The following SH3GL3 variants were observed in gnomAD, a reference collection of about 807,000 sequenced individuals.
The protein encoded by SH3GL3 is endophilin-A3.
In SH3GL3, 33 loss-of-function variants were observed where a neutral mutation model predicts 47.7. The ratio of observed to expected loss-of-function variants is 0.69; its 90% CI spans 0.52 to 0.92. The LOEUF is 0.92. Ranked by LOEUF, SH3GL3 falls within the 40% of genes least tolerant of loss-of-function variation. The probability of loss-of-function intolerance (pLI) is 0.00; values close to 1 mark genes in which losing one functional copy is unlikely to be tolerated. For missense variants in SH3GL3, 363 were observed against 417.8 expected, an observed-to-expected ratio of 0.87 and a Z score of 1.14; for synonymous variants, 155 against 148.8, an observed-to-expected ratio of 1.04 and a Z score of -0.30.
In SH3GL3 at chr15:83,576,708, T is replaced by C; in HGVS notation, c.591T>C (p.Ala197=). Residue 197 remains alanine (A), a synonymous_variant, in exon 6 of 9, where the codon GCT becomes GCC. Coordinates refer to ENST00000427482, the MANE Select transcript of SH3GL3 (RefSeq NM_003027.5). ...AATTTGAAGAGTCAAAGGAGTTGGC[T>C]GAAAGAAGCATGTTTAACTTTTTAG... ...VEKFEESKEL[A]ERSMFNFLEN... is the part of the protein sequence containing the mutation. 6.2e-7 allele frequency: 1 copy of C among 1,612,006 alleles called. No individual in the cohort carries two copies. Among genetic ancestry groups the C allele is most frequent in the East Asian group, 2.2e-5 (1 of 44,862 alleles).
chr15:83,483,712 C>G (rs1283138435), intron 1 of SH3GL3, among the ~76,000 whole-genome samples: 4 of 152,198 alleles, frequency 2.6e-5, no homozygotes, highest in Admixed American at 2.6e-4. Context: ...TCGCATTACC[C>G]TCATCAGTAA....
chr15:83,584,228 C>T (rs1037700988), intron 6 of SH3GL3, among the ~76,000 whole-genome samples: 9 of 152,118 alleles, frequency 5.9e-5, no homozygotes, highest in African/African-American at 1.4e-4. Flanking sequence ...AGCATCTTCA[C>T]GTATCTCATT....
chr15:83,450,034 T>A (rs1044407888), intron 1 of SH3GL3, among the ~76,000 whole-genome samples: 1 of 152,218 alleles, frequency 6.6e-6, no homozygotes, highest in Non-Finnish European at 1.5e-5. Context: ...CCAGATGATG[T>A]CAATGGCTAA....
chr15:83,577,071 C>G (rs113645471), intron 6 of SH3GL3, among the ~76,000 whole-genome samples: 1 of 151,722 alleles, frequency 6.6e-6, no homozygotes, highest in East Asian at 1.9e-4. Context: ...CCACCACACT[C>G]GGCTAATTTT....
chr15:83,544,798 T>G (rs2044323760), intron 1 of SH3GL3, among the ~76,000 whole-genome samples: 1 of 152,182 alleles, frequency 6.6e-6, no homozygotes, highest in South Asian at 2.1e-4. Flanking sequence ...GATACAATAT[T>G]CCAGGATAAA....
In SH3GL3 at chr15:83,587,041, A is replaced by T; in HGVS notation, c.683A>T (p.Gln228Leu). The change falls in exon 7 of 9, where the codon CAG becomes CTG. Residue 228 changes from glutamine to leucine, a missense_variant. Gln to Leu is a moderately radical substitution (Grantham distance 113). Transcript: ENST00000427482. ...GAGGCAGCATTAGACTATCACAGAC[A>T]GTCCACAGAGATTCTGCAGGAGCTG... ...FIEAALDYHR[Q>L]STEILQELQS... 6.2e-7 allele frequency: 1 copy of T among 1,611,156 alleles called. No homozygotes were observed. Among genetic ancestry groups the T allele is most frequent in the South Asian group, 1.1e-5 (1 of 90,624 alleles).
chr15:83,588,375 C>T (rs1199217597), intron 7 of SH3GL3, among the ~76,000 whole-genome samples: 1 of 152,206 alleles, frequency 6.6e-6, no homozygotes, highest in South Asian at 2.1e-4. Context: ...AGGTGAGCAC[C>T]TTGGCCTCCC....
chr15:83,485,089 T>C (rs924753141), intron 1 of SH3GL3, among the ~76,000 whole-genome samples: 19 of 152,230 alleles, frequency 1.2e-4, no homozygotes, highest in African/African-American at 3.6e-4. Context: ...TGACTCTTTA[T>C]GTGTCCTTGA....
Position 83,464,953 on chromosome 15 carries a change from C to G in SH3GL3, c.45+17375C>G, listed in dbSNP as rs542156045. On this transcript the variant is annotated intron_variant, in intron 1 of 8. Transcript: ENST00000427482. Reference sequence around the variant, plus strand: ...AAACATGTATACATATGTAACAAACCTGCACATTGTGCACATGTACCCTAG... The same window carrying G: ...AAACATGTATACATATGTAACAAACGTGCACATTGTGCACATGTACCCTAG... 3.3e-5 allele frequency among the ~76,000 whole-genome samples: 5 copies of G among 150,546 alleles called. No individual in the cohort carries two copies. In the South Asian group the frequency reaches 1.0e-3, roughly 32 times the overall value.
chr15:83,456,887 A>AT (rs2040015751), intron 1 of SH3GL3, among the ~76,000 whole-genome samples: 1 of 152,176 alleles, frequency 6.6e-6, no homozygotes, highest in Non-Finnish European at 1.5e-5. Context: ...TCTTGACAAG[A>AT]TTTTTTTGAT....
At chr15:83,458,469 T>C (rs1264509506) in intron 1 of SH3GL3, among the ~76,000 whole-genome samples, 1 of 152,200 alleles carries the variant, frequency 6.6e-6, no homozygotes, top group Non-Finnish European at 1.5e-5. Context: ...CCTCAGACAG[T>C]AATGCTACTA....
chr15:83,459,812 A>G (rs913950298), intron 1 of SH3GL3, among the ~76,000 whole-genome samples: 1 of 152,096 alleles, frequency 6.6e-6, no homozygotes, highest in Non-Finnish European at 1.5e-5. Context: ...CTCACGACAT[A>G]CAATTTGCAG....
At chr15:83,595,031 A>G (rs565636664) in intron 8 of SH3GL3, among the ~76,000 whole-genome samples, 1 of 152,334 alleles carries the variant, frequency 6.6e-6, no homozygotes, top group Admixed American at 6.5e-5. Flanking sequence ...AAATCATTCT[A>G]CCATAAAGAC....
chr15:83,496,230 G>C (rs920992413), intron 1 of SH3GL3, among the ~76,000 whole-genome samples: 1 of 151,414 alleles, frequency 6.6e-6, no homozygotes, highest in African/African-American at 2.4e-5. Context: ...GGTGGTGCAC[G>C]TGCCTGTAGT....
chr15:83,594,101 G>T (rs1401303379), intron 8 of SH3GL3, among the ~76,000 whole-genome samples: 2 of 152,206 alleles, frequency 1.3e-5, no homozygotes, highest in African/African-American at 2.4e-5. Flanking sequence ...TTACAGGCAT[G>T]AGCCACTAGG....
At chr15:83,611,401 C>T (rs574591094) in intron 8 of SH3GL3, 6 of 152,222 alleles carry the variant, frequency 3.9e-5, no homozygotes, top group South Asian at 4.1e-4. Flanking sequence ...TCTGCTCTCA[C>T]GTTTCGTTGA....
At chr15:83,509,974 T>C (rs926811930) in intron 1 of SH3GL3, among the ~76,000 whole-genome samples, 6 of 152,182 alleles carry the variant, frequency 3.9e-5, no homozygotes, top group African/African-American at 1.2e-4. Context: ...TTTGCCATCC[T>C]TTAGGGAGCA....
intron 8 of SH3GL3, among the ~76,000 whole-genome samples, chr15:83,603,676 A>G (rs890126235): frequency 2.0e-5 from 3 of 152,152 alleles, no homozygotes; most frequent in African/African-American, 7.2e-5. Context: ...AGACTGGGCA[A>G]CTTTTGTCTT....
chr15:83,630,829 C>A, the SH3GL3 span, among the ~76,000 whole-genome samples: 1 of 152,074 alleles, frequency 6.6e-6, no homozygotes, highest in African/African-American at 2.4e-5. Flanking sequence ...TGGCCCCCTC[C>A]CAAATCTCAA....
Sources: gnomAD v4.1 joint callset for allele counts (sites outside exome capture counted in the v4.1 genomes callset) on GRCh38, gnomAD v4.1.1 for gene constraint, MANE v1.5 for transcripts, NCBI Gene and HGNC (gene_info 2026-07-23, HGNC 2026-07-21) for gene names.